SHC2: variants seen among roughly 807,000 people sequenced by gnomAD.
SHC2 encodes the protein SHC adaptor protein 2.
A neutral mutation model predicts 60.6 loss-of-function variants in SHC2; 62 were observed. That is an observed-to-expected ratio of 1.02 (90% confidence interval 0.83 to 1.26). SHC2 has a LOEUF of 1.26. SHC2 is among the 50% of genes most tolerant of loss of function. The pLI, the probability that SHC2 is intolerant of heterozygous loss-of-function variation, is 0.00. For synonymous variants in SHC2, 375 were observed against 372.4 expected, an observed-to-expected ratio of 1.01 and a Z score of -0.08; for missense variants, 873 against 822.2, an observed-to-expected ratio of 1.06 and a Z score of -0.76.
At position 419,214 on chromosome 19, in the gene SHC2, C is replaced by T. The variant is rs983943665; in HGVS notation, c.1621-158G>A. 25 of 859,518 alleles carry T rather than the reference C, an allele frequency of 2.9e-5. No homozygotes were observed. The Admixed American group carries it at 4.6e-4, about 16-fold the overall frequency. 53.2% of individuals were successfully genotyped at this position (859,518 alleles called of 1,614,324 possible). ...CCGGGACACCAGCCAAAGGATCGGCCTCAGAATTCCAGAACCACCCATGGG... is the reference window on the plus strand; with the variant it reads ...CCGGGACACCAGCCAAAGGATCGGCTTCAGAATTCCAGAACCACCCATGGG... On this transcript the variant is annotated intron_variant, in intron 11 of 12. Coordinates refer to ENST00000264554, the MANE Select transcript of SHC2 (RefSeq NM_012435.3).
intron 1 of SHC2, among the ~76,000 whole-genome samples, chr19:449,003 T>C (rs1261160024): frequency 7.6e-6 from 1 of 131,460 alleles, no homozygotes; most frequent in Non-Finnish European, 1.5e-5. Context: ...AAAAAAAAAA[T>C]ACAAAAATAC....
intron 12 of SHC2, among the ~76,000 whole-genome samples, chr19:418,097 C>T (rs751236273): frequency 1.3e-5 from 2 of 152,198 alleles, no homozygotes; most frequent in Non-Finnish European, 2.9e-5. Flanking sequence ...CCTGTCCCTC[C>T]TCCGTCCACA....
Position 439,446 on chromosome 19 carries a change from G to A in SHC2, c.540-416C>T, listed in dbSNP as rs765523981. 36 of 230,434 alleles carry A rather than the reference G, an allele frequency of 1.6e-4. No homozygotes were observed. The Middle Eastern group carries it at 4.8e-3, about 31-fold the overall frequency. The allele number at this position is 230,434 out of a possible 1,614,324, so 14.3% of individuals were successfully genotyped here. On this transcript the variant is annotated intron_variant, in intron 2 of 12. Coordinates refer to ENST00000264554, the MANE Select transcript of SHC2 (RefSeq NM_012435.3). ...GAGCAGGAGGCCCTGAGCCTGACGC[G>A]GGGTCCGTGTCGAGATCCTGTCTGC...
chr19:457,943 G>A (rs1033011149), intron 1 of SHC2, among the ~76,000 whole-genome samples: 1 of 152,114 alleles, frequency 6.6e-6, no homozygotes, highest in African/African-American at 2.4e-5. Context: ...GGGGGAGGCG[G>A]AAGTGGGTCC....
chr19:430,617 G>T, intron 9 of SHC2, 67 bp downstream of exon 9: 1 of 1,315,984 alleles, frequency 7.6e-7, no homozygotes, highest in Non-Finnish European at 1.1e-6. Flanking sequence ...GGGGGAGCCA[G>T]CACAGGACAG....
At chr19:419,742 C>T (rs1045382360) in intron 11 of SHC2, 1 of 152,266 alleles carries the variant, frequency 6.6e-6, no homozygotes, top group African/African-American at 2.4e-5. Flanking sequence ...GAGACACAGG[C>T]CTGAAAATCT....
intron 12 of SHC2, among the ~76,000 whole-genome samples, chr19:418,433 C>T (rs537730629): frequency 4.6e-5 from 7 of 152,386 alleles, no homozygotes; most frequent in East Asian, 3.9e-4. Context: ...CAAAGGCTCA[C>T]GGCGGCCAAA....
intron 1 of SHC2, among the ~76,000 whole-genome samples, chr19:460,266 G>T (rs914292443): frequency 6.6e-6 from 1 of 151,964 alleles, no homozygotes; most frequent in Non-Finnish European, 1.5e-5. Context: ...CGAGTGGGGG[G>T]CGGTGCACCT....
chr19:429,690 A>G (rs1974518838), intron 9 of SHC2, among the ~76,000 whole-genome samples: 1 of 142,314 alleles, frequency 7.0e-6, no homozygotes, highest in Admixed American at 7.0e-5. Context: ...CAGTACCTAT[A>G]CCCAACATGC....
chr19:445,185 C>A lies in SHC2; in HGVS notation c.469-4253G>T, dbSNP rs1449554612. 3.3e-5 allele frequency among the ~76,000 whole-genome samples: 5 copies of A among 152,218 alleles called. No homozygotes were observed. The highest frequency in any genetic ancestry group is 1.9e-4 in the East Asian group (1 of 5,194). On this transcript the variant is annotated intron_variant, in intron 1 of 12. Transcript: ENST00000264554. The surrounding 1 kb of genome is among the most constrained non-coding windows in gnomAD (Gnocchi z 4.4). ...TCTAGGGCTGAATATCTGTGCCCCC[C>A]TCAAAATCCCTCTGTGGAAACCTAT... is the stretch of plus-strand genomic sequence containing the variant.
chr19:434,755 G>C lies in SHC2; in HGVS notation c.1064C>G (p.Ser355Cys), dbSNP rs1281212830. 9 of 1,612,708 alleles carry C rather than the reference G, an allele frequency of 5.6e-6. No homozygotes were observed. Among genetic ancestry groups the C allele is most frequent in the Non-Finnish European group, 7.6e-6 (9 of 1,179,756 alleles). The change falls in exon 8 of 13, where the codon TCC becomes TGC. Residue 355 changes from serine (S) to cysteine (C), a missense_variant. By Grantham distance (112) the Ser-to-Cys change is moderately radical (BLOSUM62 -1). Coordinates refer to ENST00000264554, the MANE Select transcript of SHC2 (RefSeq NM_012435.3). ...GCAGGGCTGTGTCAGGGCCAGCCTG[G>C]AGTCCACTAGCCCGCCCAGCGGCGG... ...KEPPLGGLVD[S>C]RLALTQPCAL...
rs144361798 is a variant in SHC2, at chr19:416,831, T to G, written c.*497A>C. On this transcript the variant is annotated 3_prime_UTR_variant, in exon 13 of 13. Transcript: ENST00000264554. Reference sequence around the variant, plus strand: ...GGCTGCCTGCACTTCAGCGCCAGCATGTATCCTGGCCTGAGAACCCCAAAG... The same window carrying G: ...GGCTGCCTGCACTTCAGCGCCAGCAGGTATCCTGGCCTGAGAACCCCAAAG... 8.0e-3 allele frequency: 1,213 copies of G among 152,188 alleles called. 9 individuals are homozygous for G. The highest frequency in any genetic ancestry group is 0.014 in the Middle Eastern group (4 of 292). 9.4% of individuals were successfully genotyped at this position (152,188 alleles called of 1,614,324 possible).
rs1026156878 is a variant in SHC2 at position 453,725 on chromosome 19, G to A, written c.468+6804C>T. On this transcript the variant is annotated intron_variant, in intron 1 of 12. Transcript: ENST00000264554. The surrounding 1 kb of genome is among the most constrained non-coding windows in gnomAD (Gnocchi z 6.3). ...ACTCCCCGCACCTCCCAGCTTAAGGGACCCGCGATGCAGGAAGGATGAAGT... is the reference window on the plus strand; with the variant it reads ...ACTCCCCGCACCTCCCAGCTTAAGGAACCCGCGATGCAGGAAGGATGAAGT... 6.6e-6 allele frequency among the ~76,000 whole-genome samples: 1 copy of A among 152,158 alleles called. No individual in the cohort carries two copies.
rs1464134402 is a variant in SHC2 at position 453,846 on chromosome 19, C to T, written c.468+6683G>A. Among the ~76,000 whole-genome samples, 1 of 152,220 alleles carries T rather than the reference C, an allele frequency of 6.6e-6. No homozygotes were observed. Among genetic ancestry groups the T allele is most frequent in the Non-Finnish European group, 1.5e-5 (1 of 68,038 alleles). ...GAGCCAGACACGCACAGGAAACTCT[C>T]CCTGAAGTGCTCACGAGGTGAGGTG... On this transcript the variant is annotated intron_variant, in intron 1 of 12. Coordinates refer to ENST00000264554, the MANE Select transcript of SHC2 (RefSeq NM_012435.3). This position sits in a 1 kb window ranked among gnomAD's most constrained non-coding sequence, Gnocchi z 6.3.
At chr19:439,267 T>G in intron 2 of SHC2, 1 of 574,762 alleles carries the variant, frequency 1.7e-6, no homozygotes, top group Non-Finnish European at 3.1e-6. Flanking sequence ...CAGGTGCAGC[T>G]TGGGCACCAG....
intron 2 of SHC2, among the ~76,000 whole-genome samples, chr19:439,831 G>A (rs1974818904): frequency 6.6e-6 from 1 of 151,976 alleles, no homozygotes; most frequent in South Asian, 2.1e-4. Context: ...TTCGAGACCG[G>A]TCTGACCAAC....
At chr19:430,234 T>A (rs1217655366) in intron 9 of SHC2, among the ~76,000 whole-genome samples, 1 of 88,522 alleles carries the variant, frequency 1.1e-5, no homozygotes, top group African/African-American at 4.4e-5. Context: ...AGTATGTATA[T>A]CCAACGTGCA....
At chr19:421,244 T>A (rs1974261492) in intron 11 of SHC2, among the ~76,000 whole-genome samples, 1 of 143,262 alleles carries the variant, frequency 7.0e-6, no homozygotes, top group Admixed American at 7.0e-5. Context: ...TAAAAAAATA[T>A]GAAAAATTAG....
intron 12 of SHC2, among the ~76,000 whole-genome samples, chr19:418,698 GGGAGGGGACAGGGAGTGACGGCT>G (rs1168986849): frequency 6.6e-6 from 1 of 151,884 alleles, no homozygotes; most frequent in African/African-American, 2.4e-5. Context: ...GTTGGAGCTG[GGGAGGGGACAGGGAGTGACGGCT>G]GGTGGGGACA....
Sources: gnomAD v4.1 joint callset for allele counts (sites outside exome capture counted in the v4.1 genomes callset) on GRCh38, gnomAD v4.1.1 for gene constraint, Gnocchi (gnomAD v3.1) non-coding constraint, MANE v1.5 for transcripts, NCBI Gene and HGNC (gene_info 2026-07-23, HGNC 2026-07-21) for gene names.